The following NKAIN2 variants were observed in gnomAD, a reference collection of about 807,000 sequenced individuals.
NKAIN2 encodes sodium/potassium-transporting ATPase subunit beta-1-interacting protein 2.
In NKAIN2, 14 loss-of-function variants were observed where a neutral mutation model predicts 32.6. The ratio of observed to expected loss-of-function variants is 0.43; its 90% CI spans 0.28 to 0.67. The LOEUF (loss-of-function observed/expected upper bound fraction) is 0.67. Among genes scored for constraint, NKAIN2 ranks in the 30% least tolerant of loss-of-function variants. NKAIN2 has a pLI of 0.17. For missense variants in NKAIN2, 198 were observed against 258.3 expected (o/e 0.77, Z 1.60); for synonymous variants, 80 against 87.2 (o/e 0.92, Z 0.46).
chr6:124,461,424 A>G (rs1434926091), intron 3 of NKAIN2, among the ~76,000 whole-genome samples: 2 of 151,672 alleles, frequency 1.3e-5, no homozygotes, highest in Non-Finnish European at 3.0e-5. Flanking sequence ...TTACTTTTCT[A>G]CCAACTTCAG....
intron 3 of NKAIN2, among the ~76,000 whole-genome samples, chr6:124,451,501 G>T (rs750103380): frequency 6.6e-6 from 1 of 152,164 alleles, no homozygotes; most frequent in Non-Finnish European, 1.5e-5. Flanking sequence ...AGTATTGTTT[G>T]CATTACTTGG....
At chr6:124,032,719 CATT>C (rs1781457137) in intron 1 of NKAIN2, among the ~76,000 whole-genome samples, 1 of 151,924 alleles carries the variant, frequency 6.6e-6, no homozygotes, top group Admixed American at 6.6e-5. Flanking sequence ...ACATTTAAAA[CATT>C]ATTTTATTTT....
intron 3 of NKAIN2, among the ~76,000 whole-genome samples, chr6:124,458,500 C>A (rs1012803409): frequency 6.6e-5 from 10 of 151,768 alleles, no homozygotes; most frequent in Non-Finnish European, 1.3e-4. Flanking sequence ...AATAAAATGA[C>A]CCATTGAGGG....
intron 5 of NKAIN2, among the ~76,000 whole-genome samples, chr6:124,809,455 T>C (rs1487972430): frequency 6.8e-6 from 1 of 146,374 alleles, no homozygotes; most frequent in Non-Finnish European, 1.5e-5. Flanking sequence ...ACTGGATGCC[T>C]TCCTTACACC....
chr6:124,313,340 C>T (rs1179681996), intron 2 of NKAIN2, among the ~76,000 whole-genome samples: 1 of 152,060 alleles, frequency 6.6e-6, no homozygotes, highest in East Asian at 1.9e-4. Flanking sequence ...TCATTGCCTT[C>T]GTGCTGTGTC....
At position 124,709,205 on chromosome 6, in the gene NKAIN2, GA is replaced by G. The variant is rs1353632949; in HGVS notation, c.474+50820del. 4.7e-3 allele frequency among the ~76,000 whole-genome samples: 696 copies of G among 147,830 alleles called. 3 individuals carry two copies. Among genetic ancestry groups the G allele is most frequent in the African/African-American group, 0.017 (666 of 39,760 alleles). Reference sequence around the variant, plus strand: ...GGATGAAGCCCACTTGATCATGGTGGATAAGCTTTTTGATGTGCTGCTGGAT... The same window carrying G: ...GGATGAAGCCCACTTGATCATGGTGGTAAGCTTTTTGATGTGCTGCTGGAT... On this transcript the variant is annotated intron_variant, in intron 4 of 6. Coordinates refer to ENST00000368417, the MANE Select transcript of NKAIN2 (RefSeq NM_001040214.3).
At chr6:124,213,650 AT>A (rs1312605549) in intron 1 of NKAIN2, among the ~76,000 whole-genome samples, 1 of 152,162 alleles carries the variant, frequency 6.6e-6, no homozygotes, top group African/African-American at 2.4e-5. Flanking sequence ...GTATGCATGT[AT>A]TTAAGTTTGT....
At chr6:124,407,908 T>G (rs961236071) in intron 3 of NKAIN2, among the ~76,000 whole-genome samples, 1 of 149,614 alleles carries the variant, frequency 6.7e-6, no homozygotes, top group Admixed American at 6.7e-5. Context: ...TGAGATGGTA[T>G]CTCATTGTGG....
intron 1 of NKAIN2, among the ~76,000 whole-genome samples, chr6:123,995,727 G>C (rs1291511452): frequency 6.6e-6 from 1 of 152,096 alleles, no homozygotes; most frequent in Non-Finnish European, 1.5e-5. Flanking sequence ...ATTTCAGAAA[G>C]ATTTTGTTTG....
chr6:124,355,466 A>G, intron 3 of NKAIN2, 119 bp downstream of exon 3: 1 of 646,496 alleles, frequency 1.5e-6, no homozygotes. Flanking sequence ...AGTAAATTGA[A>G]AGGTGTCTTG....
At chr6:124,510,315 T>C (rs1206867839) in intron 3 of NKAIN2, among the ~76,000 whole-genome samples, 1 of 152,206 alleles carries the variant, frequency 6.6e-6, no homozygotes, top group Non-Finnish European at 1.5e-5. Flanking sequence ...GAATGGGATC[T>C]TATTTTCCAT....
At chr6:124,568,406 G>C (rs893051129) in intron 3 of NKAIN2, among the ~76,000 whole-genome samples, 2 of 152,096 alleles carry the variant, frequency 1.3e-5, no homozygotes, top group African/African-American at 4.8e-5. Context: ...AGTTCCAGGA[G>C]CCATGCTAAA....
At chr6:123,898,098 T>A (rs1774372392) in intron 1 of NKAIN2, among the ~76,000 whole-genome samples, 1 of 152,194 alleles carries the variant, frequency 6.6e-6, no homozygotes, top group African/African-American at 2.4e-5. Flanking sequence ...AATCCAGATA[T>A]GATCTCATCA....
chr6:124,453,225 A>C (rs1394882916), intron 3 of NKAIN2, among the ~76,000 whole-genome samples: 1 of 151,624 alleles, frequency 6.6e-6, no homozygotes, highest in East Asian at 1.9e-4. Context: ...TTATTGACTT[A>C]TCTTTATTTC....
chr6:124,130,113 C>T (rs1302288450), intron 1 of NKAIN2, among the ~76,000 whole-genome samples: 1 of 152,110 alleles, frequency 6.6e-6, no homozygotes, highest in Admixed American at 6.6e-5. Flanking sequence ...ATGCTTACCC[C>T]TCTAAAGTAG....
intron 3 of NKAIN2, among the ~76,000 whole-genome samples, chr6:124,587,592 T>G (rs1311461168): frequency 6.6e-6 from 1 of 152,158 alleles, no homozygotes; most frequent in African/African-American, 2.4e-5. Context: ...GTTATTGAAG[T>G]TAGAGACTGT....
rs1356784083 is a variant in NKAIN2 at position 124,586,085 on chromosome 6, G to T, written c.274-72101G>T. 5.3e-5 allele frequency among the ~76,000 whole-genome samples: 8 copies of T among 152,036 alleles called. No individual in the cohort carries two copies. The East Asian group carries it at 1.3e-3, about 26-fold the overall frequency. On this transcript the variant is annotated intron_variant, in intron 3 of 6. Coordinates refer to ENST00000368417, the MANE Select transcript of NKAIN2 (RefSeq NM_001040214.3). ...AATAGATAGAAGATTTCCATCGCCT[G>T]CCCCAAAATTCCCCTGTATCTCTTT...
chr6:124,085,011 A>T (rs1329008545), intron 1 of NKAIN2, among the ~76,000 whole-genome samples: 4 of 152,064 alleles, frequency 2.6e-5, no homozygotes, highest in African/African-American at 9.7e-5. Flanking sequence ...AGGATCTTAG[A>T]AGTCAACTTC....
At chr6:124,429,887 C>T (rs1775139354) in intron 3 of NKAIN2, among the ~76,000 whole-genome samples, 2 of 151,966 alleles carry the variant, frequency 1.3e-5, no homozygotes, top group South Asian at 4.2e-4. Context: ...TAAAAAAGTG[C>T]AAGATGCTAG....
Sources: allele counts gnomAD v4.1 joint callset (sites outside exome capture counted in the v4.1 genomes callset), GRCh38; gene constraint gnomAD v4.1.1; transcripts MANE v1.5; gene names NCBI Gene and HGNC (gene_info 2026-07-23, HGNC 2026-07-21).